Variants in IMMP2L observed in about 807,000 individuals in gnomAD.
IMMP2L encodes inner mitochondrial membrane peptidase subunit 2.
In IMMP2L, 18 loss-of-function variants were observed where a neutral mutation model predicts 19.3. That is an observed-to-expected ratio of 0.93 (90% confidence interval 0.64 to 1.38). The LOEUF is 1.38. Among genes scored for constraint, IMMP2L ranks in the 40% most tolerant of loss-of-function variants. The pLI, the probability that IMMP2L is intolerant of heterozygous loss-of-function variation, is 0.00. For missense variants in IMMP2L, 233 were observed against 218.2 expected, an observed-to-expected ratio of 1.07 and a Z score of -0.43; for synonymous variants, 76 against 73.0, an observed-to-expected ratio of 1.04 and a Z score of -0.21.
chr7:110,812,620 T>C (rs1802125285), intron 5 of IMMP2L, among the ~76,000 whole-genome samples: 1 of 152,024 alleles, frequency 6.6e-6, no homozygotes. Flanking sequence ...AAGTTACATA[T>C]CCTGGATCAG....
chr7:111,562,419 C>CA lies in IMMP2L; in HGVS notation c.-572dup, dbSNP rs1792197570. The CA allele has an allele frequency of 6.7e-6, 1 of 148,834 alleles. No homozygotes were observed. Among genetic ancestry groups the CA allele is most frequent in the African/African-American group, 2.5e-5 (1 of 39,764 alleles). The allele number at this position is 148,834 out of a possible 1,614,324, so 9.2% of individuals were successfully genotyped here. The stretch of plus-strand genomic sequence containing the variant: ...CGCCCGCCGACCCCTGCCAGCCTCA[C>CA]AGCCCCCCACCCGCCGCCGGACGCC... On this transcript the variant is annotated 5_prime_UTR_variant, in exon 1 of 6. Coordinates refer to ENST00000405709, the MANE Select transcript of IMMP2L (RefSeq NM_032549.4).
At chr7:111,234,329 T>C (rs1185505033) in intron 3 of IMMP2L, among the ~76,000 whole-genome samples, 7 of 152,114 alleles carry the variant, frequency 4.6e-5, no homozygotes, top group Non-Finnish European at 7.4e-5. Flanking sequence ...CATAGGGTTG[T>C]TCAGGTCTTC....
At chr7:110,932,237 G>A (rs745741150) in intron 4 of IMMP2L, among the ~76,000 whole-genome samples, 3 of 152,214 alleles carry the variant, frequency 2.0e-5, no homozygotes, top group African/African-American at 7.2e-5. Context: ...CATAATAAGA[G>A]CTGAATAACT....
chr7:110,898,163 A>C, intron 4 of IMMP2L, among the ~76,000 whole-genome samples: 1 of 151,562 alleles, frequency 6.6e-6, no homozygotes, highest in South Asian at 2.1e-4. Context: ...ATATACATAT[A>C]TAAATACAAT....
At chr7:111,512,464 T>TTTA (rs145824278) in intron 2 of IMMP2L, among the ~76,000 whole-genome samples, 29,742 of 151,912 alleles carry the variant, frequency 0.2, 3,842 homozygotes, top group African/African-American at 0.36. Context: ...ACTCCATAAG[T>TTTA]TTACTTTTAA....
At chr7:111,041,069 T>C (rs920162350) in intron 3 of IMMP2L, among the ~76,000 whole-genome samples, 10 of 152,100 alleles carry the variant, frequency 6.6e-5, no homozygotes, top group African/African-American at 2.2e-4. Flanking sequence ...AGCTAGTATT[T>C]TGGTATGATA....
intron 3 of IMMP2L, among the ~76,000 whole-genome samples, chr7:111,131,941 A>G (rs2129594151): frequency 6.6e-6 from 1 of 152,096 alleles, no homozygotes; most frequent in South Asian, 2.1e-4. Flanking sequence ...TAAGCATGCC[A>G]TAACTCACAA....
At chr7:110,797,085 G>A (rs1307976883) in intron 5 of IMMP2L, among the ~76,000 whole-genome samples, 1 of 151,886 alleles carries the variant, frequency 6.6e-6, no homozygotes, top group Non-Finnish European at 1.5e-5. Flanking sequence ...CTAAAATGCA[G>A]GATCTATGGA....
rs558346506 is a variant in IMMP2L, at chr7:110,814,820, A to C, written c.408+71773T>G. 4.0e-5 allele frequency among the ~76,000 whole-genome samples: 6 copies of C among 151,798 alleles called. No individual in the cohort carries two copies. The South Asian group carries it at 1.2e-3, about 31-fold the overall frequency. ...GGTATTTTAAGTATAAAATAAACTTAAGACAGATGTGATCACAATACTTAA... is the reference window on the plus strand; with the variant it reads ...GGTATTTTAAGTATAAAATAAACTTCAGACAGATGTGATCACAATACTTAA... On this transcript the variant is annotated intron_variant, in intron 5 of 5. Coordinates refer to ENST00000405709, the MANE Select transcript of IMMP2L (RefSeq NM_032549.4).
intron 3 of IMMP2L, among the ~76,000 whole-genome samples, chr7:111,344,317 C>T (rs1357574931): frequency 6.6e-6 from 1 of 152,156 alleles, no homozygotes; most frequent in Non-Finnish European, 1.5e-5. Flanking sequence ...TTTATACATG[C>T]TGTTCATTCT....
chr7:111,147,886 T>G lies in IMMP2L; in HGVS notation c.240-184321A>C, dbSNP rs192096697. Among the ~76,000 whole-genome samples the G allele has an allele frequency of 2.1e-4, 32 of 152,240 alleles. No homozygotes were observed. In the East Asian group the frequency reaches 6.0e-3, roughly 28 times the overall value. On this transcript the variant is annotated intron_variant, in intron 3 of 5. Transcript: ENST00000405709. ...AATTTATTCAAGAAAAATAGCTGAATCTTGCTAAGAACAGTGAGCTTTCTA... is the reference window on the plus strand; with the variant it reads ...AATTTATTCAAGAAAAATAGCTGAAGCTTGCTAAGAACAGTGAGCTTTCTA...
intron 3 of IMMP2L, among the ~76,000 whole-genome samples, chr7:111,016,621 C>T (rs1563162511): frequency 9.5e-6 from 1 of 105,750 alleles, no homozygotes; most frequent in Non-Finnish European, 1.7e-5. Context: ...ATAATATATA[C>T]ATATATATAA....
At chr7:110,813,330 T>C (rs73417294) in intron 5 of IMMP2L, among the ~76,000 whole-genome samples, 13,462 of 152,134 alleles carry the variant, frequency 0.088, 903 homozygotes, top group African/African-American at 0.19. Context: ...AGAAAAAAAT[T>C]ACCATTTTGC....
intron 3 of IMMP2L, among the ~76,000 whole-genome samples, chr7:111,334,382 AC>A (rs1826189365): frequency 2.6e-5 from 4 of 152,184 alleles, no homozygotes; most frequent in African/African-American, 9.6e-5. Context: ...ACGTTGCTGT[AC>A]ATGATAGGAT....
intron 3 of IMMP2L, among the ~76,000 whole-genome samples, chr7:111,030,115 G>C (rs1827249186): frequency 1.3e-5 from 2 of 152,114 alleles, no homozygotes; most frequent in South Asian, 2.1e-4. Flanking sequence ...TGCCCCAGGA[G>C]AGACTCAATC....
At chr7:110,809,684 GT>G (rs1467215998) in intron 5 of IMMP2L, among the ~76,000 whole-genome samples, 3 of 151,894 alleles carry the variant, frequency 2.0e-5, no homozygotes, top group Non-Finnish European at 2.9e-5. Context: ...AGAAAATAGT[GT>G]TAAAATGAAG....
At chr7:111,056,525 T>C (rs1300595915) in intron 3 of IMMP2L, among the ~76,000 whole-genome samples, 2 of 152,262 alleles carry the variant, frequency 1.3e-5, no homozygotes, top group African/African-American at 4.8e-5. Context: ...AGCCCTTTCG[T>C]AATAATTACA....
At chr7:111,415,649 T>C (rs1753400107) in intron 3 of IMMP2L, among the ~76,000 whole-genome samples, 1 of 151,858 alleles carries the variant, frequency 6.6e-6, no homozygotes, top group Admixed American at 6.6e-5. Context: ...TGGCATTTGA[T>C]ATTTTGAAAA....
chr7:110,993,975 C>T (rs1425517367), intron 3 of IMMP2L, among the ~76,000 whole-genome samples: 5 of 152,092 alleles, frequency 3.3e-5, no homozygotes, highest in East Asian at 3.9e-4. Context: ...CCTTTGTTCT[C>T]TCCACACTTC....
Sources: gnomAD v4.1 joint callset for allele counts (sites outside exome capture counted in the v4.1 genomes callset) on GRCh38, gnomAD v4.1.1 for gene constraint, MANE v1.5 for transcripts, NCBI Gene and HGNC (gene_info 2026-07-23, HGNC 2026-07-21) for gene names.